CTNNA3: variants seen among roughly 807,000 people sequenced by gnomAD.
CTNNA3 encodes the protein catenin alpha 3.
Under a neutral mutation model 95.7 loss-of-function variants are expected in CTNNA3, and 76 were observed. The ratio of observed to expected loss-of-function variants is 0.79; its 90% CI spans 0.66 to 0.96. The LOEUF is 0.96. CTNNA3 is among the 40% of genes least tolerant of loss of function. The pLI, the probability that CTNNA3 is intolerant of heterozygous loss-of-function variation, is 0.00. For missense variants in CTNNA3, 1,191 were observed against 1,089.8 expected, an observed-to-expected ratio of 1.09 and a Z score of -1.31; for synonymous variants, 431 against 374.4, an observed-to-expected ratio of 1.15 and a Z score of -1.74.
At chr10:66,059,328 A>T (rs1380682617) in intron 15 of CTNNA3, among the ~76,000 whole-genome samples, 1 of 152,170 alleles carries the variant, frequency 6.6e-6, no homozygotes, top group East Asian at 1.9e-4. Flanking sequence ...AGACAGCTGG[A>T]TAATGAAGGT....
chr10:67,427,955 C>T (rs1845978676), intron 5 of CTNNA3, among the ~76,000 whole-genome samples: 1 of 152,046 alleles, frequency 6.6e-6, no homozygotes, highest in African/African-American at 2.4e-5. Context: ...CAAGGTCCAC[C>T]TTTCATCTCC....
intron 10 of CTNNA3, among the ~76,000 whole-genome samples, chr10:66,543,705 C>T (rs1841938556): frequency 6.6e-6 from 1 of 151,230 alleles, no homozygotes; most frequent in Admixed American, 6.6e-5. Context: ...AAAATCTTTC[C>T]TATTAGAACC....
intron 17 of CTNNA3, among the ~76,000 whole-genome samples, chr10:65,932,444 T>TATTTTAGTA (rs2077269669): frequency 1.3e-5 from 2 of 152,174 alleles, no homozygotes; most frequent in Admixed American, 6.6e-5. Flanking sequence ...TTATCTATAA[T>TATTTTAGTA]CCTAGTAACA....
In CTNNA3 at chr10:65,920,418, G is replaced by C. The variant is rs761402440; in HGVS notation, c.2600C>G (p.Thr867Arg). 2 of 1,614,062 alleles carry C rather than the reference G, an allele frequency of 1.2e-6. No homozygotes were observed. Among genetic ancestry groups the C allele is most frequent in the Non-Finnish European group, 1.7e-6 (2 of 1,179,990 alleles). Residue 867 changes from threonine to arginine, a missense_variant, in exon 18 of 18, where the codon ACG (threonine) becomes AGG (arginine). Physicochemically the swap from Thr to Arg is moderately conservative, Grantham distance 71. Transcript: ENST00000433211. ...TGAGCCTCGTCTGACAGCTGCACACGTTTCCTCTGGCTTCTCTCTTTTAAT... is the reference window on the plus strand; with the variant it reads ...TGAGCCTCGTCTGACAGCTGCACACCTTTCCTCTGGCTTCTCTCTTTTAAT... ...PLIKREKPEE[T>R]CAAVRRGSAK...
At chr10:66,095,926 G>A (rs926550681) in intron 14 of CTNNA3, among the ~76,000 whole-genome samples, 8 of 152,010 alleles carry the variant, frequency 5.3e-5, no homozygotes, top group African/African-American at 1.9e-4. Context: ...TGAATATAAT[G>A]TTAAACACAT....
chr10:67,235,461 A>T (rs1013706101), intron 5 of CTNNA3, among the ~76,000 whole-genome samples: 2 of 152,020 alleles, frequency 1.3e-5, no homozygotes, highest in Non-Finnish European at 2.9e-5. Flanking sequence ...GGCTAGCCAT[A>T]TGTAGAAAGC....
chr10:66,986,187 A>G (rs1850719637), intron 7 of CTNNA3, among the ~76,000 whole-genome samples: 1 of 152,144 alleles, frequency 6.6e-6, no homozygotes, highest in Non-Finnish European at 1.5e-5. Flanking sequence ...AGATATAATT[A>G]CTTGCCAGAT....
At chr10:67,067,455 C>T (rs2131836871) in intron 7 of CTNNA3, among the ~76,000 whole-genome samples, 1 of 152,258 alleles carries the variant, frequency 6.6e-6, no homozygotes, top group African/African-American at 2.4e-5. Context: ...ATAACATTTC[C>T]ACAATTCATT....
At chr10:66,948,467 T>C (rs2132710184) in intron 7 of CTNNA3, among the ~76,000 whole-genome samples, 1 of 152,322 alleles carries the variant, frequency 6.6e-6, no homozygotes, top group African/African-American at 2.4e-5. Context: ...TTACTACATG[T>C]GTTATGTGAC....
chr10:66,194,992 T>C (rs142468456), intron 13 of CTNNA3, among the ~76,000 whole-genome samples: 113 of 152,342 alleles, frequency 7.4e-4, no homozygotes, highest in African/African-American at 2.6e-3. Flanking sequence ...CAACCGAGGA[T>C]GCCTCACTTC....
At chr10:66,686,862 T>C (rs955833303) in intron 9 of CTNNA3, among the ~76,000 whole-genome samples, 3 of 152,118 alleles carry the variant, frequency 2.0e-5, no homozygotes, top group Non-Finnish European at 4.4e-5. Flanking sequence ...AACCAATAAA[T>C]CTCTGTGATT....
chr10:66,590,106 A>G (rs1465339314), intron 10 of CTNNA3, among the ~76,000 whole-genome samples: 1 of 152,130 alleles, frequency 6.6e-6, no homozygotes, highest in Non-Finnish European at 1.5e-5. Context: ...ATTATAATGT[A>G]AAATATCTGT....
chr10:66,080,361 T>G (rs1406226937), intron 14 of CTNNA3, among the ~76,000 whole-genome samples: 1 of 152,140 alleles, frequency 6.6e-6, no homozygotes, highest in Admixed American at 6.6e-5. Flanking sequence ...TATTCCCTTC[T>G]TACTCCATTA....
At chr10:67,262,965 C>A (rs142646127) in intron 5 of CTNNA3, among the ~76,000 whole-genome samples, 6 of 152,164 alleles carry the variant, frequency 3.9e-5, no homozygotes, top group Non-Finnish European at 5.9e-5. Context: ...AAAGGAAGAA[C>A]TGTATAAGTT....
chr10:67,189,983 G>A (rs567295442), intron 6 of CTNNA3, among the ~76,000 whole-genome samples: 1 of 152,268 alleles, frequency 6.6e-6, no homozygotes, highest in Admixed American at 6.5e-5. Context: ...TAGTGATGTG[G>A]GGAATGTCTT....
chr10:66,173,570 C>T (rs2085544481), intron 13 of CTNNA3, among the ~76,000 whole-genome samples: 1 of 151,770 alleles, frequency 6.6e-6, no homozygotes, highest in Non-Finnish European at 1.5e-5. Flanking sequence ...CTATTTTCAG[C>T]CACTCAGAAA....
intron 11 of CTNNA3, among the ~76,000 whole-genome samples, chr10:66,396,554 G>C (rs1299070152): frequency 6.6e-6 from 1 of 151,994 alleles, no homozygotes; most frequent in Non-Finnish European, 1.5e-5. Context: ...AATGAACTCA[G>C]TTTACAGCAG....
chr10:66,138,911 TGGACCTTTAC>T (rs1324660011), intron 13 of CTNNA3, among the ~76,000 whole-genome samples: 2 of 152,220 alleles, frequency 1.3e-5, no homozygotes, highest in Non-Finnish European at 2.9e-5. Flanking sequence ...ATCAAACATC[TGGACCTTTAC>T]ACATCACTCT....
chr10:66,466,830 C>T (rs1010375538), intron 11 of CTNNA3, among the ~76,000 whole-genome samples: 7 of 152,134 alleles, frequency 4.6e-5, no homozygotes, highest in African/African-American at 1.7e-4. Context: ...GATTCATGTG[C>T]ATGTCAATGC....
Sources: allele counts gnomAD v4.1 joint callset (sites outside exome capture counted in the v4.1 genomes callset), GRCh38; gene constraint gnomAD v4.1.1; transcripts MANE v1.5; gene names NCBI Gene and HGNC (gene_info 2026-07-23, HGNC 2026-07-21).